PTPRG: variants seen among roughly 807,000 people sequenced by gnomAD.
PTPRG encodes protein tyrosine phosphatase receptor type G, also known as receptor-type tyrosine-protein phosphatase gamma.
Under a neutral mutation model 165.3 loss-of-function variants are expected in PTPRG, and 102 were observed. That is an observed-to-expected ratio of 0.62 (90% CI 0.53 to 0.73). The LOEUF (loss-of-function observed/expected upper bound fraction) is 0.73. Ranked by LOEUF, PTPRG falls within the 30% of genes least tolerant of loss-of-function variation. The probability of loss-of-function intolerance (pLI) is 0.00; values close to 1 mark genes in which losing one functional copy is unlikely to be tolerated. For missense variants in PTPRG, 1,866 were observed against 1,861.4 expected, an observed-to-expected ratio of 1.00 and a Z score of -0.05; for synonymous variants, 675 against 669.5, an observed-to-expected ratio of 1.01 and a Z score of -0.13.
chr3:61,861,113 A>G lies in PTPRG; in HGVS notation c.190+112131A>G, dbSNP rs1369575706. Reference sequence around the variant, plus strand: ...GTCTGGTTTTCTGGACAATCATCCAAATTGTTGAAGATATCAATCATTGGT... The same window carrying G: ...GTCTGGTTTTCTGGACAATCATCCAGATTGTTGAAGATATCAATCATTGGT... On this transcript the variant is annotated intron_variant, in intron 2 of 29. Coordinates refer to ENST00000474889, the MANE Select transcript of PTPRG (RefSeq NM_002841.4). Among the ~76,000 whole-genome samples the G allele has an allele frequency of 3.3e-5, 5 of 152,098 alleles. No homozygotes were observed. The East Asian group carries it at 5.8e-4, about 18-fold the overall frequency.
intron 1 of PTPRG, among the ~76,000 whole-genome samples, chr3:61,640,833 G>GGAT: frequency 6.6e-6 from 1 of 152,282 alleles, no homozygotes; most frequent in East Asian, 1.9e-4. Flanking sequence ...TGAATATAAT[G>GGAT]GATCTGGAGT....
At chr3:61,638,469 G>C (rs546344114) in intron 1 of PTPRG, among the ~76,000 whole-genome samples, 103 of 151,656 alleles carry the variant, frequency 6.8e-4, no homozygotes, top group Non-Finnish European at 1.1e-3. Context: ...CCAGTTATCA[G>C]GGTTCTTGCC....
chr3:61,687,681 A>G (rs1703677631), intron 1 of PTPRG, among the ~76,000 whole-genome samples: 2 of 152,262 alleles, frequency 1.3e-5, no homozygotes, highest in Non-Finnish European at 2.9e-5. Flanking sequence ...GGCTTTGTTG[A>G]TCATGGAAAT....
chr3:62,267,530 A>G (rs1701920801), intron 18 of PTPRG, 38 bp downstream of exon 18: 2 of 1,562,984 alleles, frequency 1.3e-6, no homozygotes, highest in African/African-American at 2.7e-5. Flanking sequence ...GTTTCTAGAA[A>G]TTGAAGACTG....
chr3:62,198,468 C>A (rs992771873), intron 10 of PTPRG, among the ~76,000 whole-genome samples: 2 of 152,104 alleles, frequency 1.3e-5, no homozygotes, highest in Non-Finnish European at 2.9e-5. Context: ...ATATTCAAAG[C>A]CTTTTTGCAG....
chr3:62,138,733 A>AAAAAAAG (rs1703812893), intron 6 of PTPRG, among the ~76,000 whole-genome samples: 3 of 151,304 alleles, frequency 2.0e-5, no homozygotes, highest in Non-Finnish European at 4.4e-5. Flanking sequence ...AAAAAAAAAA[A>AAAAAAAG]AAAGAAAGAC....
At chr3:62,200,492 A>G (rs368215014) in intron 10 of PTPRG, among the ~76,000 whole-genome samples, 5 of 151,954 alleles carry the variant, frequency 3.3e-5, no homozygotes, top group African/African-American at 9.7e-5. Context: ...GATGGTCTCA[A>G]TCTCCTGACC....
intron 2 of PTPRG, among the ~76,000 whole-genome samples, chr3:61,843,387 C>T (rs1302602125): frequency 6.6e-6 from 1 of 152,006 alleles, no homozygotes; most frequent in Non-Finnish European, 1.5e-5. Context: ...TACATACACA[C>T]GGATCATAGA....
At chr3:62,215,554 C>G (rs1307870944) in intron 12 of PTPRG, among the ~76,000 whole-genome samples, 2 of 143,250 alleles carry the variant, frequency 1.4e-5, no homozygotes, top group African/African-American at 2.6e-5. Context: ...GAACCCCCCC[C>G]CCCCGCCAAT....
intron 3 of PTPRG, among the ~76,000 whole-genome samples, chr3:61,996,991 AG>A (rs1448950284): frequency 6.6e-6 from 1 of 152,194 alleles, no homozygotes; most frequent in Non-Finnish European, 1.5e-5. Flanking sequence ...CATTTTTTGA[AG>A]AACCTTTTCT....
At chr3:61,592,628 T>A (rs1700598579) in intron 1 of PTPRG, among the ~76,000 whole-genome samples, 1 of 148,060 alleles carries the variant, frequency 6.8e-6, no homozygotes, top group African/African-American at 2.6e-5. Flanking sequence ...TTTCTCTCTC[T>A]TTTTCTTTCT....
At chr3:62,044,251 G>A (rs1436230534) in intron 4 of PTPRG, among the ~76,000 whole-genome samples, 3 of 152,122 alleles carry the variant, frequency 2.0e-5, no homozygotes, top group South Asian at 2.1e-4. Context: ...TTTGAAAATG[G>A]CTCTTGGCCG....
Position 62,257,113 on chromosome 3 carries a change from G to A in PTPRG, c.2559+1898G>A, listed in dbSNP as rs564563595. Among the ~76,000 whole-genome samples the A allele has an allele frequency of 2.6e-3, 391 of 152,216 alleles. 3 individuals are homozygous for A. Among genetic ancestry groups the A allele is most frequent in the African/African-American group, 9.0e-3 (374 of 41,530 alleles). Reference sequence around the variant, plus strand: ...GAGCTGTTCACAATAGGAAGAATATGCTTTCTTCTAAAAAGAACAGCAAAG... The same window carrying A: ...GAGCTGTTCACAATAGGAAGAATATACTTTCTTCTAAAAAGAACAGCAAAG... On this transcript the variant is annotated intron_variant, in intron 16 of 29. Coordinates refer to ENST00000474889, the MANE Select transcript of PTPRG (RefSeq NM_002841.4).
At chr3:61,589,000 C>G (rs1035751588) in intron 1 of PTPRG, among the ~76,000 whole-genome samples, 6 of 152,140 alleles carry the variant, frequency 3.9e-5, no homozygotes, top group Non-Finnish European at 5.9e-5. Flanking sequence ...CAGGGGTCAG[C>G]AAATCATAGC....
At chr3:62,239,428 C>T (rs1227815912) in intron 14 of PTPRG, among the ~76,000 whole-genome samples, 2 of 127,746 alleles carry the variant, frequency 1.6e-5, no homozygotes, top group Admixed American at 9.6e-5. Context: ...GTGGTGTGAT[C>T]TCGGCTCACT....
intron 12 of PTPRG, among the ~76,000 whole-genome samples, chr3:62,212,300 T>G (rs1176832848): frequency 6.6e-6 from 1 of 152,206 alleles, no homozygotes; most frequent in Non-Finnish European, 1.5e-5. Flanking sequence ...TGTCATCTTT[T>G]CTACACACAG....
intron 5 of PTPRG, among the ~76,000 whole-genome samples, chr3:62,091,187 A>G (rs1301622956): frequency 1.3e-5 from 2 of 152,210 alleles, no homozygotes; most frequent in Non-Finnish European, 2.9e-5. Flanking sequence ...CAGTATGTCA[A>G]ATATACACAT....
chr3:61,705,274 C>G (rs1193870776), intron 1 of PTPRG, among the ~76,000 whole-genome samples: 1 of 152,180 alleles, frequency 6.6e-6, no homozygotes, highest in East Asian at 1.9e-4. Flanking sequence ...TCTGAAAAGG[C>G]ACTTGGAAAG....
chr3:61,702,102 T>A (rs2030997165), intron 1 of PTPRG, among the ~76,000 whole-genome samples: 1 of 152,094 alleles, frequency 6.6e-6, no homozygotes, highest in Admixed American at 6.5e-5. Context: ...CCTCAGCCTC[T>A]GGGGTAGCTA....
Sources: allele counts gnomAD v4.1 joint callset (sites outside exome capture counted in the v4.1 genomes callset), GRCh38; gene constraint gnomAD v4.1.1; transcripts MANE v1.5; gene names NCBI Gene and HGNC (gene_info 2026-07-23, HGNC 2026-07-21).